Variants in ACBD3 observed in about 807,000 individuals in gnomAD.
ACBD3 encodes Golgi resident protein GCP60.
ACBD3 carries 30 observed loss-of-function variants against 66.9 expected under a neutral mutation model. That is an observed-to-expected ratio of 0.45 (90% confidence interval 0.34 to 0.61). ACBD3 has a LOEUF of 0.61. Ranked by LOEUF, ACBD3 falls within the 20% of genes least tolerant of loss-of-function variation. The pLI, the probability that ACBD3 is intolerant of heterozygous loss-of-function variation, is 0.02. For synonymous variants in ACBD3, 278 were observed against 259.8 expected, an observed-to-expected ratio of 1.07 and a Z score of -0.68; for missense variants, 544 against 664.5, an observed-to-expected ratio of 0.82 and a Z score of 1.99.
intron 2 of ACBD3, 80 bp downstream of exon 2, chr1:226,165,779 C>T (rs2102782943): frequency 6.7e-7 from 1 of 1,484,796 alleles, no homozygotes; most frequent in South Asian, 1.4e-5. Context: ...GAACCAGCTA[C>T]TTACACCTTA....
chr1:226,156,047 C>G (rs1659664638), intron 5 of ACBD3, among the ~76,000 whole-genome samples: 1 of 152,210 alleles, frequency 6.6e-6, no homozygotes, highest in African/African-American at 2.4e-5. Context: ...TGAATTACAA[C>G]ATACATGTAG....
chr1:226,170,301 G>T (rs1277377292), intron 1 of ACBD3, among the ~76,000 whole-genome samples: 1 of 148,492 alleles, frequency 6.7e-6, no homozygotes, highest in Non-Finnish European at 1.5e-5. Context: ...GGGACTGCAG[G>T]CGCCCGCCAC....
chr1:226,184,767 G>A (rs1413197856), intron 1 of ACBD3, among the ~76,000 whole-genome samples: 3 of 151,402 alleles, frequency 2.0e-5, no homozygotes, highest in African/African-American at 2.4e-5. Flanking sequence ...GCATGATCTC[G>A]GCTCACTGCA....
rs1462821605 is a variant in ACBD3 at position 226,170,932 on chromosome 1, A to G, written c.287-4932T>C. ...GTAGCTGGAACTACTGGTGAGTGCCACTATGCCCAGTTAATTTTTGTGTTT... is the reference window on the plus strand; with the variant it reads ...GTAGCTGGAACTACTGGTGAGTGCCGCTATGCCCAGTTAATTTTTGTGTTT... On this transcript the variant is annotated intron_variant, in intron 1 of 7. Coordinates refer to ENST00000366812, the MANE Select transcript of ACBD3 (RefSeq NM_022735.4). Among the ~76,000 whole-genome samples, 5 of 151,862 alleles carry G rather than the reference A, an allele frequency of 3.3e-5. No individual in the cohort carries two copies. The East Asian group carries it at 7.7e-4, about 23-fold the overall frequency.
At chr1:226,165,022 G>A (rs900796489) in intron 2 of ACBD3, 93 bp from the exon 3 acceptor site, 26 of 1,313,272 alleles carry the variant, frequency 2.0e-5, no homozygotes, top group Non-Finnish European at 2.2e-5. Flanking sequence ...TCAATTGTAA[G>A]TAAAATGAAT....
chr1:226,185,240 G>A lies in ACBD3; in HGVS notation c.286+1150C>T, dbSNP rs893568955. ...GCTCAACTCATTGTGCAATGACCAC[G>A]AATATGTCATTGAATGTGAAATGAT... On this transcript the variant is annotated intron_variant, in intron 1 of 7. Transcript: ENST00000366812. 2.0e-4 allele frequency among the ~76,000 whole-genome samples: 30 copies of A among 152,104 alleles called. 1 individual carries two copies. The highest frequency in any genetic ancestry group is 1.9e-3 in the Admixed American group (29 of 15,266).
chr1:226,173,757 C>CTTTTTTTTTTTTTT (rs145462202), intron 1 of ACBD3, among the ~76,000 whole-genome samples: 28 of 88,322 alleles, frequency 3.2e-4, no homozygotes, highest in East Asian at 6.8e-4. Flanking sequence ...TTTTTCTTTT[C>CTTTTTTTTTTTTTT]TTTTTTTTTT....
chr1:226,176,558 G>A (rs1027368620), intron 1 of ACBD3, among the ~76,000 whole-genome samples: 10 of 150,974 alleles, frequency 6.6e-5, no homozygotes, highest in African/African-American at 2.4e-4. Flanking sequence ...TGTGGTTTTT[G>A]TTTGCTTTGC....
chr1:226,161,788 C>A, intron 3 of ACBD3, 99 bp from the exon 4 acceptor site: 3 of 1,372,770 alleles, frequency 2.2e-6, no homozygotes, highest in South Asian at 3.0e-5. Flanking sequence ...TTTTAGAGAA[C>A]AATGTGGATA....
rs1254630485 is a variant in ACBD3, at chr1:226,146,949, C to A, written c.1376-128G>T. On this transcript the variant is annotated intron_variant, in intron 7 of 7. Transcript: ENST00000366812. ...CTCTGTCACCCAGGATGGAGTGCAG[C>A]GGCGTGATCTCAGCTCATTGCAACC... The A allele has an allele frequency of 1.0e-5, 9 of 871,220 alleles. No individual in the cohort carries two copies. In the Admixed American group the frequency reaches 2.2e-4, roughly 21 times the overall value. 54.0% of individuals were successfully genotyped at this position (871,220 alleles called of 1,614,324 possible).
intron 1 of ACBD3, among the ~76,000 whole-genome samples, chr1:226,181,755 C>T: frequency 6.6e-6 from 1 of 152,094 alleles, no homozygotes; most frequent in Admixed American, 6.5e-5. Context: ...TAATGTAATA[C>T]AGTAATAAAG....
chr1:226,151,379 C>A (rs764058616), intron 7 of ACBD3, among the ~76,000 whole-genome samples: 1 of 152,142 alleles, frequency 6.6e-6, no homozygotes, highest in Non-Finnish European at 1.5e-5. Context: ...ATAAACAAAC[C>A]CTACATTCTA....
At chr1:226,172,459 T>A (rs768222678) in intron 1 of ACBD3, among the ~76,000 whole-genome samples, 17 of 152,202 alleles carry the variant, frequency 1.1e-4, no homozygotes, top group South Asian at 2.1e-4. Context: ...TAGTCCCACC[T>A]ACTTGGGAGG....
In ACBD3 at chr1:226,183,704, G is replaced by A. The variant is rs184013613; in HGVS notation, c.286+2686C>T. Among the ~76,000 whole-genome samples, 109 of 151,976 alleles carry A rather than the reference G, an allele frequency of 7.2e-4. 2 individuals carry two copies. In the East Asian group the frequency reaches 0.02, roughly 28 times the overall value. On this transcript the variant is annotated intron_variant, in intron 1 of 7. Transcript: ENST00000366812. ...AGGTCGGCAGTTCGAGACCAGCATG[G>A]AGAAACCCCGTCTCTACTAGAAATA...
chr1:226,165,397 C>G (rs890138848), intron 2 of ACBD3, among the ~76,000 whole-genome samples: 3 of 152,110 alleles, frequency 2.0e-5, no homozygotes, highest in Non-Finnish European at 4.4e-5. Flanking sequence ...TCTTGAACTC[C>G]TGACCTCAAA....
intron 1 of ACBD3, among the ~76,000 whole-genome samples, chr1:226,168,500 G>A (rs900960078): frequency 5.3e-5 from 8 of 152,174 alleles, no homozygotes; most frequent in African/African-American, 1.4e-4. Flanking sequence ...TTATCAATAA[G>A]GGAAAGTCGA....
At chr1:226,173,376 C>A in intron 1 of ACBD3, among the ~76,000 whole-genome samples, 1 of 152,266 alleles carries the variant, frequency 6.6e-6, no homozygotes, top group African/African-American at 2.4e-5. Flanking sequence ...CCCAAATTTT[C>A]AGTAAGCATA....
intron 6 of ACBD3, among the ~76,000 whole-genome samples, chr1:226,153,039 G>A (rs888282997): frequency 1.3e-5 from 2 of 152,196 alleles, no homozygotes; most frequent in Non-Finnish European, 2.9e-5. Context: ...CAGCCTGTCT[G>A]TTGAAAAATT....
At chr1:226,155,183 G>A (rs61835250) in intron 5 of ACBD3, 4 of 156,628 alleles carry the variant, frequency 2.6e-5, no homozygotes, top group South Asian at 2.0e-4. Flanking sequence ...TTTGAGAGGC[G>A]GAGGTGGGTG....
Sources: allele counts gnomAD v4.1 joint callset (sites outside exome capture counted in the v4.1 genomes callset), GRCh38; gene constraint gnomAD v4.1.1; transcripts MANE v1.5; gene names NCBI Gene and HGNC (gene_info 2026-07-23, HGNC 2026-07-21).